GPC5: variants seen among roughly 807,000 people sequenced by gnomAD.
GPC5 encodes the protein glypican-5.
A neutral mutation model predicts 53.9 loss-of-function variants in GPC5; 47 were observed. That is an observed-to-expected ratio of 0.87 (90% confidence interval 0.69 to 1.11). The LOEUF (loss-of-function observed/expected upper bound fraction) is 1.11. Among genes scored for constraint, GPC5 ranks in the 50% most tolerant of loss-of-function variants. GPC5 has a pLI of 0.00. For missense variants in GPC5, 748 were observed against 713.1 expected (o/e 1.05, Z -0.56); for synonymous variants, 286 against 263.3 (o/e 1.09, Z -0.84).
chr13:91,761,463 C>A (rs2037410571), intron 5 of GPC5, among the ~76,000 whole-genome samples: 1 of 152,106 alleles, frequency 6.6e-6, no homozygotes, highest in African/African-American at 2.4e-5. Context: ...GCTGGGAGCT[C>A]AGTCCCCAAG....
intron 7 of GPC5, among the ~76,000 whole-genome samples, chr13:92,375,521 T>C (rs968305825): frequency 1.7e-4 from 26 of 152,112 alleles, no homozygotes; most frequent in African/African-American, 5.6e-4. Context: ...CATCCGAAGG[T>C]GTTCAAAGTG....
intron 6 of GPC5, among the ~76,000 whole-genome samples, chr13:92,013,301 AG>A (rs1010334131): frequency 1.3e-5 from 2 of 152,104 alleles, no homozygotes; most frequent in Non-Finnish European, 2.9e-5. Flanking sequence ...GGAGCTGGAG[AG>A]GGGATGGGAT....
intron 1 of GPC5, among the ~76,000 whole-genome samples, chr13:91,417,075 G>C (rs1878290297): frequency 6.6e-6 from 1 of 152,124 alleles, no homozygotes; most frequent in Admixed American, 6.5e-5. Context: ...AGCAGAGGGG[G>C]GGAGTATTTA....
intron 6 of GPC5, among the ~76,000 whole-genome samples, chr13:92,136,277 A>C (rs2041783540): frequency 6.6e-6 from 1 of 152,168 alleles, no homozygotes; most frequent in Non-Finnish European, 1.5e-5. Context: ...TATGGGTTTC[A>C]CTTAGTCTCC....
intron 7 of GPC5, among the ~76,000 whole-genome samples, chr13:92,385,242 G>A (rs1371670254): frequency 6.7e-6 from 1 of 150,120 alleles, no homozygotes; most frequent in African/African-American, 2.4e-5. Context: ...ATAGTAGTAA[G>A]TTTTGAATTT....
intron 5 of GPC5, among the ~76,000 whole-genome samples, chr13:91,838,178 G>C (rs151299615): frequency 1.1e-4 from 17 of 152,210 alleles, no homozygotes; most frequent in African/African-American, 3.9e-4. Context: ...GAAAGTTTGG[G>C]TATTAATTGC....
chr13:92,261,093 C>A (rs1204544756), intron 7 of GPC5, among the ~76,000 whole-genome samples: 1 of 152,070 alleles, frequency 6.6e-6, no homozygotes, highest in Non-Finnish European at 1.5e-5. Flanking sequence ...TTGTAAGCAT[C>A]TTTCTTATTT....
intron 6 of GPC5, among the ~76,000 whole-genome samples, chr13:92,043,923 T>C (rs1436496687): frequency 1.3e-5 from 2 of 152,236 alleles, no homozygotes; most frequent in Admixed American, 6.5e-5. Context: ...AGGGTACATA[T>C]GCAATTTGAA....
intron 6 of GPC5, among the ~76,000 whole-genome samples, chr13:91,959,991 G>A (rs993344718): frequency 3.3e-5 from 5 of 151,922 alleles, no homozygotes; most frequent in Admixed American, 2.6e-4. Flanking sequence ...CATACTGAAT[G>A]AGGAAAAGCC....
At chr13:92,033,036 CGTGTGTGTGTGT>C (rs60958496) in intron 6 of GPC5, among the ~76,000 whole-genome samples, 2 of 138,990 alleles carry the variant, frequency 1.4e-5, no homozygotes, top group Non-Finnish European at 3.1e-5. Flanking sequence ...TAGTTATTGT[CGTGTGTGTGTGT>C]GTGTGTGTGT....
chr13:92,826,992 A>G (rs1877871356), intron 7 of GPC5, among the ~76,000 whole-genome samples: 1 of 152,110 alleles, frequency 6.6e-6, no homozygotes. Context: ...AATATTTTCT[A>G]GTTAACTTGG....
intron 6 of GPC5, among the ~76,000 whole-genome samples, chr13:92,019,510 A>G (rs1010694490): frequency 6.6e-6 from 1 of 152,064 alleles, no homozygotes; most frequent in Non-Finnish European, 1.5e-5. Flanking sequence ...TAAGAGAACA[A>G]ATTCATGCAG....
chr13:92,196,276 C>T (rs916533383), intron 7 of GPC5, among the ~76,000 whole-genome samples: 29 of 151,744 alleles, frequency 1.9e-4, no homozygotes, highest in Non-Finnish European at 4.0e-4. Context: ...GCTGATAGCA[C>T]CTGATATTTT....
At chr13:92,804,826 A>G (rs1307136927) in intron 7 of GPC5, among the ~76,000 whole-genome samples, 1 of 152,082 alleles carries the variant, frequency 6.6e-6, no homozygotes, top group East Asian at 1.9e-4. Context: ...CTGCTTTATC[A>G]ACTAAGTTTA....
chr13:92,183,908 C>T (rs747199187), intron 7 of GPC5, among the ~76,000 whole-genome samples: 2 of 151,950 alleles, frequency 1.3e-5, no homozygotes, highest in African/African-American at 4.8e-5. Flanking sequence ...TACCAATTTT[C>T]TCTTTGATCT....
chr13:92,173,175 A>G, intron 7 of GPC5, among the ~76,000 whole-genome samples: 1 of 151,776 alleles, frequency 6.6e-6, no homozygotes, highest in Non-Finnish European at 1.5e-5. Context: ...CTCCCATTTG[A>G]CTCAGTCATT....
intron 7 of GPC5, among the ~76,000 whole-genome samples, chr13:92,631,240 T>G (rs1050338506): frequency 6.6e-6 from 1 of 152,130 alleles, no homozygotes; most frequent in Non-Finnish European, 1.5e-5. Context: ...AATTGTCACT[T>G]TTGATTTGTG....
At chr13:91,639,380 G>C (rs1211280337) in intron 2 of GPC5, among the ~76,000 whole-genome samples, 1 of 152,174 alleles carries the variant, frequency 6.6e-6, no homozygotes, top group African/African-American at 2.4e-5. Context: ...CAAACTTTCT[G>C]ATGATTCATA....
At chr13:92,328,941 C>A (rs899354301) in intron 7 of GPC5, among the ~76,000 whole-genome samples, 2 of 152,106 alleles carry the variant, frequency 1.3e-5, no homozygotes, top group African/African-American at 2.4e-5. Context: ...ATTTCCTCCT[C>A]CTTGAATTTA....
Sources: allele counts gnomAD v4.1 joint callset (sites outside exome capture counted in the v4.1 genomes callset), GRCh38; gene constraint gnomAD v4.1.1; transcripts MANE v1.5; gene names NCBI Gene and HGNC (gene_info 2026-07-23, HGNC 2026-07-21).